HMCN1: variants seen among roughly 807,000 people sequenced by gnomAD.
The protein encoded by HMCN1 is hemicentin-1.
In HMCN1, 321 loss-of-function variants were observed where a neutral mutation model predicts 625.9. That is an observed-to-expected ratio of 0.51 (90% confidence interval 0.47 to 0.56). The LOEUF (loss-of-function observed/expected upper bound fraction) is 0.56, where lower values mean the gene tolerates loss of function less well. Among genes scored for constraint, HMCN1 ranks in the 20% least tolerant of loss-of-function variants. The pLI, the probability that HMCN1 is intolerant of heterozygous loss-of-function variation, is 0.00. For missense variants in HMCN1, 6,588 were observed against 6,887.3 expected (o/e 0.96, Z 1.54); for synonymous variants, 2,425 against 2,417.6 (o/e 1.00, Z -0.09).
At chr1:185,801,619 T>C (rs1658800600) in intron 1 of HMCN1, among the ~76,000 whole-genome samples, 1 of 152,318 alleles carries the variant, frequency 6.6e-6, no homozygotes, top group Admixed American at 6.5e-5. Context: ...ACTAGTTCAA[T>C]GATTCAGGCA....
intron 6 of HMCN1, among the ~76,000 whole-genome samples, chr1:185,915,896 G>T (rs1666671254): frequency 6.6e-6 from 1 of 151,852 alleles, no homozygotes; most frequent in Non-Finnish European, 1.5e-5. Flanking sequence ...TAATGTTTTG[G>T]GTCAGTGGCA....
At chr1:186,086,432 A>G (rs1659477418) in intron 58 of HMCN1, 25 bp downstream of exon 58, 1 of 1,610,092 alleles carries the variant, frequency 6.2e-7, no homozygotes, top group Admixed American at 1.7e-5. Flanking sequence ...ATTATAAAGC[A>G]GGCAAAATTT....
chr1:186,108,035 TAAAAAAAAAAAA>T (rs559777006), intron 70 of HMCN1, among the ~76,000 whole-genome samples: 135 of 98,310 alleles, frequency 1.4e-3, no homozygotes, highest in African/African-American at 5.1e-3. Context: ...GTAAATTCTG[TAAAAAAAAAAAA>T]AAAAAAAAAA....
intron 11 of HMCN1, among the ~76,000 whole-genome samples, chr1:185,937,990 C>T (rs1007347781): frequency 6.7e-6 from 1 of 150,260 alleles, no homozygotes; most frequent in African/African-American, 2.4e-5. Context: ...TATTTTAGTG[C>T]AAATATGTAA....
At chr1:186,024,419 A>G (rs1293977626) in intron 36 of HMCN1, among the ~76,000 whole-genome samples, 2 of 151,942 alleles carry the variant, frequency 1.3e-5, no homozygotes, top group Non-Finnish European at 2.9e-5. Context: ...TTATTTCCCT[A>G]TCCTGAGGCT....
intron 30 of HMCN1, among the ~76,000 whole-genome samples, chr1:186,010,223 G>A (rs1209380762): frequency 6.6e-6 from 1 of 151,908 alleles, no homozygotes; most frequent in African/African-American, 2.4e-5. Context: ...GTGTGTGGGG[G>A]TACATGGGTG....
At chr1:186,076,645 T>C (rs1302365716) in intron 54 of HMCN1, 23 bp downstream of exon 54, 15 of 1,604,546 alleles carry the variant, frequency 9.3e-6, no homozygotes, top group Admixed American at 1.7e-5. Flanking sequence ...ACCAACAGGG[T>C]GAAAAGCTGA....
At position 186,018,222 on chromosome 1, in the gene HMCN1, A is replaced by T. The variant is rs1017144162; in HGVS notation, c.5340A>T (p.Gly1780=). Residue 1780 remains glycine (G), a synonymous_variant, in exon 34 of 107, where the codon GGA becomes GGT. Coordinates refer to ENST00000271588, the MANE Select transcript of HMCN1 (RefSeq NM_031935.3). ...GCCAGTTAATTGATGAAAGGGATGG[A>T]TTCAAGATTTTATTAAATGGACGCA... is the stretch of plus-strand genomic sequence containing the variant. ...KDGQLIDERD[G]FKILLNGRKL... is the part of the protein sequence containing the mutation. The T allele has an allele frequency of 2.6e-5, 42 of 1,612,770 alleles. No homozygotes were observed. The highest frequency in any genetic ancestry group is 3.5e-5 in the Non-Finnish European group (41 of 1,179,102).
At chr1:185,944,575 T>TA (rs1365550467) in intron 11 of HMCN1, among the ~76,000 whole-genome samples, 1 of 152,218 alleles carries the variant, frequency 6.6e-6, no homozygotes, top group East Asian at 1.9e-4. Flanking sequence ...CTCTTACTCC[T>TA]CCTTTCTCTA....
chr1:185,913,274 C>T (rs191173887), intron 6 of HMCN1, among the ~76,000 whole-genome samples: 2 of 152,054 alleles, frequency 1.3e-5, no homozygotes, highest in Admixed American at 6.6e-5. Flanking sequence ...TTTTTTCCAC[C>T]CAGTTCCTTG....
intron 24 of HMCN1, among the ~76,000 whole-genome samples, chr1:185,996,335 T>A (rs183403657): frequency 6.6e-6 from 1 of 151,934 alleles, no homozygotes; most frequent in Non-Finnish European, 1.5e-5. Context: ...GAGAAGAGCA[T>A]GTAATATTTT....
chr1:185,830,056 T>A (rs918422529), intron 1 of HMCN1, among the ~76,000 whole-genome samples: 1 of 152,240 alleles, frequency 6.6e-6, no homozygotes, highest in Non-Finnish European at 1.5e-5. Flanking sequence ...TTTGGAGAAG[T>A]GTCTATTCAT....
intron 80 of HMCN1, among the ~76,000 whole-genome samples, chr1:186,121,465 G>T (rs1376122916): frequency 6.6e-6 from 1 of 152,128 alleles, no homozygotes; most frequent in Admixed American, 6.5e-5. Context: ...GTTGTTTATG[G>T]AGGTGTAATT....
intron 42 of HMCN1, among the ~76,000 whole-genome samples, 169 bp downstream of exon 42, chr1:186,049,008 C>T (rs537251988): frequency 2.2e-4 from 33 of 152,148 alleles, no homozygotes; most frequent in Admixed American, 1.6e-3. Context: ...ATAACTACTT[C>T]GAGAGTAACT....
chr1:186,149,556 G>A (rs1201590391), intron 93 of HMCN1, among the ~76,000 whole-genome samples: 3 of 152,114 alleles, frequency 2.0e-5, no homozygotes, highest in African/African-American at 7.2e-5. Flanking sequence ...TAAAAAATAA[G>A]GTTGTTTCAC....
chr1:185,926,507 A>G (rs1309359427), intron 9 of HMCN1, among the ~76,000 whole-genome samples: 2 of 152,200 alleles, frequency 1.3e-5, no homozygotes, highest in Non-Finnish European at 2.9e-5. Context: ...AAACAGTAAC[A>G]TTTTTCAAAG....
intron 93 of HMCN1, among the ~76,000 whole-genome samples, chr1:186,147,496 A>T (rs1028956247): frequency 2.0e-5 from 3 of 150,856 alleles, no homozygotes; most frequent in African/African-American, 7.4e-5. Flanking sequence ...GTTTTCTCTC[A>T]GTATTAATAA....
intron 1 of HMCN1, among the ~76,000 whole-genome samples, chr1:185,743,909 A>G (rs1654167929): frequency 6.6e-6 from 1 of 152,124 alleles, no homozygotes; most frequent in Admixed American, 6.5e-5. Context: ...ATCAAGGAAA[A>G]TAGTACAACA....
At chr1:186,068,682 A>G (rs1658287816) in intron 50 of HMCN1, among the ~76,000 whole-genome samples, 1 of 152,088 alleles carries the variant, frequency 6.6e-6, no homozygotes, top group Non-Finnish European at 1.5e-5. Context: ...CCTGGCTAAC[A>G]CAGTGAAACC....
Sources: allele counts gnomAD v4.1 joint callset (sites outside exome capture counted in the v4.1 genomes callset), GRCh38; gene constraint gnomAD v4.1.1; transcripts MANE v1.5; gene names NCBI Gene and HGNC (gene_info 2026-07-23, HGNC 2026-07-21).